ZPBP: variants seen among roughly 807,000 people sequenced by gnomAD.
The protein encoded by ZPBP is zona pellucida binding protein.
In ZPBP, 26 loss-of-function variants were observed where a neutral mutation model predicts 44.8. The ratio of observed to expected loss-of-function variants is 0.58; its 90% CI spans 0.43 to 0.81. ZPBP has a LOEUF of 0.81. Ranked by LOEUF, ZPBP falls within the 30% of genes least tolerant of loss-of-function variation. The pLI, the probability that ZPBP is intolerant of heterozygous loss-of-function variation, is 0.00. For synonymous variants in ZPBP, 174 were observed against 153.2 expected (o/e 1.14, Z -1.00); for missense variants, 409 against 434.0 (o/e 0.94, Z 0.51).
At chr7:49,986,309 T>C (rs965466119) in intron 6 of ZPBP, among the ~76,000 whole-genome samples, 1 of 152,132 alleles carries the variant, frequency 6.6e-6, no homozygotes, top group African/African-American at 2.4e-5. Flanking sequence ...TTTTCCTTCT[T>C]TTTTTCAGGA....
At chr7:50,038,080 G>T (rs908266308) in intron 4 of ZPBP, among the ~76,000 whole-genome samples, 2 of 152,024 alleles carry the variant, frequency 1.3e-5, no homozygotes, top group African/African-American at 4.8e-5. Flanking sequence ...ATGGTGTAAG[G>T]GTTCCACATC....
intron 6 of ZPBP, among the ~76,000 whole-genome samples, chr7:49,986,797 T>C (rs58330940): frequency 0.51 from 77,136 of 152,060 alleles, 20,415 homozygotes; most frequent in East Asian, 0.69. Context: ...TCTTAAGTTA[T>C]AGCCAATCTG....
chr7:49,909,358 C>T (rs770023762), intron 1 of ZPBP, among the ~76,000 whole-genome samples: 1 of 61,502 alleles, frequency 1.6e-5, no homozygotes, highest in Non-Finnish European at 3.4e-5. Flanking sequence ...ACAGCTCGAG[C>T]CAAAATATGA....
intron 7 of ZPBP, among the ~76,000 whole-genome samples, chr7:49,941,756 T>G (rs1384236122): frequency 6.6e-6 from 1 of 151,778 alleles, no homozygotes; most frequent in African/African-American, 2.4e-5. Flanking sequence ...CCAATAACAT[T>G]TTTTTTTGTG....
chr7:49,862,008 A>G (rs1015703623), intron 2 of ZPBP, among the ~76,000 whole-genome samples: 3 of 152,192 alleles, frequency 2.0e-5, no homozygotes, highest in East Asian at 1.9e-4. Flanking sequence ...TTCCATTTCC[A>G]TAAAAAATGG....
intron 3 of ZPBP, among the ~76,000 whole-genome samples, chr7:50,079,168 A>G (rs764280413): frequency 6.6e-6 from 1 of 151,542 alleles, no homozygotes; most frequent in Non-Finnish European, 1.5e-5. Context: ...GAAAGATACA[A>G]TCTACCAAAA....
chr7:50,089,275 C>G (rs1802825283), intron 2 of ZPBP, among the ~76,000 whole-genome samples: 1 of 152,070 alleles, frequency 6.6e-6, no homozygotes, highest in Non-Finnish European at 1.5e-5. Flanking sequence ...AGTTGCCATA[C>G]TTCATGTGAC....
In ZPBP at chr7:50,081,920, A is replaced by G. The variant is rs370013170; in HGVS notation, c.209-21T>C. On this transcript the variant is annotated intron_variant, in intron 2 of 7. Transcript: ENST00000046087. ...TTTCACTGAAAATACAATATTTAAA[A>G]TGTTCCAATAGTATTTTATCTTCTT... 30 of 1,608,078 alleles carry G rather than the reference A, an allele frequency of 1.9e-5. No individual in the cohort carries two copies. The African/African-American group carries it at 3.7e-4, about 20-fold the overall frequency.
chr7:50,057,443 G>A (rs551966875), intron 4 of ZPBP, among the ~76,000 whole-genome samples: 19 of 152,052 alleles, frequency 1.2e-4, no homozygotes, highest in African/African-American at 4.3e-4. Context: ...GACCTAACTC[G>A]GCCAGAAGGC....
chr7:49,897,279 C>G (rs1465957391), intron 2 of ZPBP, among the ~76,000 whole-genome samples: 10 of 152,094 alleles, frequency 6.6e-5, no homozygotes, highest in Admixed American at 5.9e-4. Flanking sequence ...AAATCTCATC[C>G]AATAATTTCC....
intron 4 of ZPBP, among the ~76,000 whole-genome samples, chr7:50,036,568 C>T (rs1799837499): frequency 6.6e-6 from 1 of 152,114 alleles, no homozygotes; most frequent in Non-Finnish European, 1.5e-5. Flanking sequence ...CTCTGACACA[C>T]ATATCAAAAT....
chr7:49,872,915 C>CAAAAAA (rs61473396), intron 2 of ZPBP, among the ~76,000 whole-genome samples: 1,000 of 33,920 alleles, frequency 0.029, 171 homozygotes, highest in Non-Finnish European at 0.041. Flanking sequence ...GACTTTGTCT[C>CAAAAAA]AAAAAAAAAA....
intron 3 of ZPBP, among the ~76,000 whole-genome samples, chr7:50,059,174 C>T (rs1801123218): frequency 6.6e-6 from 1 of 152,140 alleles, no homozygotes; most frequent in Non-Finnish European, 1.5e-5. Flanking sequence ...AAATAACTGT[C>T]TACCTTTTTC....
intron 6 of ZPBP, among the ~76,000 whole-genome samples, chr7:50,011,892 A>C (rs918854617): frequency 2.0e-5 from 3 of 152,112 alleles, no homozygotes; most frequent in South Asian, 4.1e-4. Flanking sequence ...TCTACTAAAA[A>C]TACAAAAATT....
intron 2 of ZPBP, among the ~76,000 whole-genome samples, chr7:49,878,227 T>C (rs771334058): frequency 6.6e-6 from 1 of 152,164 alleles, no homozygotes; most frequent in Non-Finnish European, 1.5e-5. Context: ...GTTCCTTGTA[T>C]TTTAAACACA....
chr7:49,922,044 T>C (rs1375026539), intron 1 of ZPBP: 10 of 152,204 alleles, frequency 6.6e-5, no homozygotes, highest in African/African-American at 2.4e-4. Context: ...AAAATGTATA[T>C]ACGTCATTAA....
intron 6 of ZPBP, among the ~76,000 whole-genome samples, chr7:49,999,196 C>A (rs1697223328): frequency 6.6e-6 from 1 of 150,864 alleles, no homozygotes; most frequent in Admixed American, 6.6e-5. Context: ...CTCTCCAATT[C>A]CTATAATAAG....
At chr7:49,978,135 T>C (rs10239881) in intron 7 of ZPBP, among the ~76,000 whole-genome samples, 119,239 of 149,548 alleles carry the variant, frequency 0.8, 47,707 homozygotes, top group East Asian at 0.89. Flanking sequence ...GTTGAATATA[T>C]AAGCTATACA....
intron 3 of ZPBP, among the ~76,000 whole-genome samples, chr7:50,065,316 C>T (rs1801445899): frequency 6.6e-6 from 1 of 150,838 alleles, no homozygotes; most frequent in African/African-American, 2.5e-5. Context: ...CCAGAGGGTG[C>T]CTTCCAAGCA....
Sources: gnomAD v4.1 joint callset for allele counts (sites outside exome capture counted in the v4.1 genomes callset) on GRCh38, gnomAD v4.1.1 for gene constraint, MANE v1.5 for transcripts, NCBI Gene and HGNC (gene_info 2026-07-23, HGNC 2026-07-21) for gene names.